SIRT5: variants seen among roughly 807,000 people sequenced by gnomAD.
The protein encoded by SIRT5 is NAD-dependent protein deacylase sirtuin-5, mitochondrial.
In SIRT5, 26 loss-of-function variants were observed where a neutral mutation model predicts 40.0. The observed-to-expected ratio is 0.65, with a 90% confidence interval of 0.48 to 0.90. The LOEUF is 0.90. SIRT5 is among the 40% of genes least tolerant of loss of function. The pLI, the probability that SIRT5 is intolerant of heterozygous loss-of-function variation, is 0.00. For synonymous variants in SIRT5, 146 were observed against 149.1 expected (o/e 0.98, Z 0.15); for missense variants, 401 against 402.4 (o/e 1.00, Z 0.03).
At chr6:13,588,701 G>A (rs1053786088) in intron 4 of SIRT5, among the ~76,000 whole-genome samples, 7 of 152,178 alleles carry the variant, frequency 4.6e-5, no homozygotes, top group African/African-American at 1.7e-4. Flanking sequence ...TCAGGTAACA[G>A]TTTCTCCTAA....
Position 13,611,959 on chromosome 6 carries a change from C to A in SIRT5, c.*94C>A. 1.7e-6 allele frequency: 2 copies of A among 1,190,308 alleles called. No homozygotes were observed. Among genetic ancestry groups the A allele is most frequent in the South Asian group, 1.4e-5 (1 of 71,326 alleles). The allele number at this position is 1,190,308 out of a possible 1,614,324, so 73.7% of individuals were successfully genotyped here. On this transcript the variant is annotated 3_prime_UTR_variant, in exon 10 of 10. Coordinates refer to ENST00000606117, the MANE Select transcript of SIRT5 (RefSeq NM_012241.5). ...TATGGGTGGTGAGCTGAGTACTGAA[C>A]AATCTAAAAATAGCCTCTGATTCCC...
At position 13,588,485 on chromosome 6, in the gene SIRT5, A is replaced by G. The variant is rs1370833809; in HGVS notation, c.249+21A>G. Reference sequence around the variant, plus strand: ...CCCAGGTTTGTAAAGTTTCCAGAACATTAAAAGCCTCTGTCGAATGAAACC... The same window carrying G: ...CCCAGGTTTGTAAAGTTTCCAGAACGTTAAAAGCCTCTGTCGAATGAAACC... On this transcript the variant is annotated intron_variant, in intron 4 of 9. Coordinates refer to ENST00000606117, the MANE Select transcript of SIRT5 (RefSeq NM_012241.5). 6 of 1,607,608 alleles carry G rather than the reference A, an allele frequency of 3.7e-6. No homozygotes were observed. The African/African-American group carries it at 4.0e-5, about 11-fold the overall frequency.
At chr6:13,577,056 CTATAA>C (rs1758725826) in intron 1 of SIRT5, among the ~76,000 whole-genome samples, 1 of 152,094 alleles carries the variant, frequency 6.6e-6, no homozygotes, top group African/African-American at 2.4e-5. Context: ...TACAATGGCC[CTATAA>C]TATATTTTGA....
At chr6:13,611,207 G>GTATA (rs1172335284) in intron 9 of SIRT5, among the ~76,000 whole-genome samples, 3,053 of 93,388 alleles carry the variant, frequency 0.033, 59 homozygotes, top group East Asian at 0.085. Flanking sequence ...GTGTGTGTGT[G>GTATA]TATATATATA....
intron 3 of SIRT5, among the ~76,000 whole-genome samples, chr6:13,586,283 A>G (rs1258213083): frequency 1.3e-5 from 2 of 152,158 alleles, no homozygotes; most frequent in Admixed American, 1.3e-4. Flanking sequence ...TTTTGTTGCC[A>G]TTGCTTTTGG....
intron 9 of SIRT5, among the ~76,000 whole-genome samples, 182 bp from the exon 10 acceptor site, chr6:13,611,608 G>T (rs1763942389): frequency 6.6e-6 from 1 of 152,126 alleles, no homozygotes; most frequent in African/African-American, 2.4e-5. Context: ...ATAGTGAAGT[G>T]TTATAACTAG....
intron 3 of SIRT5, among the ~76,000 whole-genome samples, chr6:13,586,335 T>G (rs974766607): frequency 1.3e-5 from 2 of 152,236 alleles, no homozygotes. Flanking sequence ...ATGTCCTGAA[T>G]GGTATTTCCT....
chr6:13,595,384 G>A (rs1171150804), intron 5 of SIRT5, 93 bp from the exon 6 acceptor site: 1 of 994,644 alleles, frequency 1.0e-6, no homozygotes, highest in African/African-American at 1.6e-5. Context: ...GAAATGAAGT[G>A]TGAAAAATAA....
Position 13,585,724 on chromosome 6 carries a change from G to A in SIRT5, c.115+1499G>A, listed in dbSNP as rs1759988779. ...ACATACGTATGCATGTGTCTTTATA[G>A]TAGCATGATTTATAATCCTTTGGGT... On this transcript the variant is annotated intron_variant, in intron 3 of 9. Transcript: ENST00000606117. Among the ~76,000 whole-genome samples, 2 of 152,170 alleles carry A rather than the reference G, an allele frequency of 1.3e-5. 1 individual carries two copies. Among genetic ancestry groups the A allele is most frequent in the South Asian group, 4.1e-4 (2 of 4,828 alleles).
intron 3 of SIRT5, among the ~76,000 whole-genome samples, chr6:13,587,804 C>T (rs1760280159): frequency 6.6e-6 from 1 of 152,218 alleles, no homozygotes; most frequent in Non-Finnish European, 1.5e-5. Context: ...TTGCCCTCAC[C>T]TTCAGTCGCT....
At chr6:13,605,901 T>A (rs770774926) in intron 9 of SIRT5, among the ~76,000 whole-genome samples, 1 of 152,260 alleles carries the variant, frequency 6.6e-6, no homozygotes, top group Non-Finnish European at 1.5e-5. Flanking sequence ...TTGTGCCCTG[T>A]TGATCTTTAA....
Position 13,584,099 on chromosome 6 carries a change from A to G in SIRT5, c.-12A>G. 9 of 1,608,184 alleles carry G rather than the reference A, an allele frequency of 5.6e-6. No individual in the cohort carries two copies. Among genetic ancestry groups the G allele is most frequent in the Non-Finnish European group, 7.7e-6 (9 of 1,174,854 alleles). On this transcript the variant is annotated 5_prime_UTR_variant, in exon 3 of 10. Transcript: ENST00000606117. ...AGCCCGCCTCAAGCATTAGAACTAC[A>G]GACAAACCCTGATGCGACCTCTCCA...
rs1024622177 is a variant in SIRT5 at position 13,580,373 on chromosome 6, A to G, written c.-36+764A>G. Among the ~76,000 whole-genome samples, 10 of 152,130 alleles carry G rather than the reference A, an allele frequency of 6.6e-5. No individual in the cohort carries two copies. The East Asian group carries it at 1.9e-3, about 29-fold the overall frequency. ...TTCACGCTTTTTATTATACAGTTCT[A>G]TGAGTGTTGAAAAAAATCACAAAAA... On this transcript the variant is annotated intron_variant, in intron 2 of 9. Coordinates refer to ENST00000606117, the MANE Select transcript of SIRT5 (RefSeq NM_012241.5).
At chr6:13,576,895 A>G (rs1182299496) in intron 1 of SIRT5, among the ~76,000 whole-genome samples, 2 of 152,196 alleles carry the variant, frequency 1.3e-5, no homozygotes, top group Non-Finnish European at 2.9e-5. Flanking sequence ...GATGCCATTT[A>G]TTAAAGAGAC....
chr6:13,606,163 A>G (rs905942819), intron 9 of SIRT5, among the ~76,000 whole-genome samples: 3 of 152,216 alleles, frequency 2.0e-5, no homozygotes, highest in Non-Finnish European at 2.9e-5. Flanking sequence ...TTAAGAAGAG[A>G]TTGGAGCAAA....
chr6:13,594,167 C>T (rs1761289785), intron 5 of SIRT5, among the ~76,000 whole-genome samples: 1 of 152,168 alleles, frequency 6.6e-6, no homozygotes, highest in South Asian at 2.1e-4. Flanking sequence ...TCTGCCCGGT[C>T]AGGCCACGGA....
intron 7 of SIRT5, 140 bp from the exon 8 acceptor site, chr6:13,598,892 C>A: frequency 2.5e-6 from 2 of 788,812 alleles, no homozygotes; most frequent in Non-Finnish European, 3.9e-6. Flanking sequence ...TTTATATAGG[C>A]TGGGAGGGAG....
intron 9 of SIRT5, among the ~76,000 whole-genome samples, chr6:13,609,459 G>A (rs1260341139): frequency 6.6e-6 from 1 of 152,172 alleles, no homozygotes; most frequent in African/African-American, 2.4e-5. Flanking sequence ...ATGTAAAGGG[G>A]TCAACATCAT....
At position 13,607,817 on chromosome 6, in the gene SIRT5, G is replaced by A. The variant is rs1046456251; in HGVS notation, c.858-3973G>A. Among the ~76,000 whole-genome samples the A allele has an allele frequency of 6.6e-6, 1 of 152,112 alleles. No homozygotes were observed. The highest frequency in any genetic ancestry group is 2.4e-5 in the African/African-American group (1 of 41,410). The stretch of plus-strand genomic sequence containing the variant: ...TGCCCAGGCTGGACTGCAGTGGCAC[G>A]ATCTCGACTCACTGCAACCTCCGCC... On this transcript the variant is annotated intron_variant, in intron 9 of 9. Coordinates refer to ENST00000606117, the MANE Select transcript of SIRT5 (RefSeq NM_012241.5). This position sits in a 1 kb window ranked among gnomAD's most constrained non-coding sequence, Gnocchi z 4.0.
Sources: allele counts gnomAD v4.1 joint callset (sites outside exome capture counted in the v4.1 genomes callset), GRCh38; gene constraint gnomAD v4.1.1; non-coding constraint Gnocchi (gnomAD v3.1); transcripts MANE v1.5; gene names NCBI Gene and HGNC (gene_info 2026-07-23, HGNC 2026-07-21).